Variants in CLASP2 observed in about 807,000 individuals in gnomAD.
The protein encoded by CLASP2 is cytoplasmic linker associated protein 2, also known as CLIP-associating protein 2.
CLASP2 carries 47 observed loss-of-function variants against 194.4 expected under a neutral mutation model. That is an observed-to-expected ratio of 0.24 (90% CI 0.19 to 0.31). The LOEUF is 0.31. CLASP2 is among the 10% of genes least tolerant of loss of function. CLASP2 has a pLI of 1.00. For missense variants in CLASP2, 1,445 were observed against 1,823.6 expected (o/e 0.79, Z 3.78); for synonymous variants, 619 against 633.5 (o/e 0.98, Z 0.34).
intron 7 of CLASP2, among the ~76,000 whole-genome samples, chr3:33,658,154 T>A (rs2084629888): frequency 6.6e-6 from 1 of 152,156 alleles, no homozygotes; most frequent in Admixed American, 6.5e-5. Context: ...AAACACACAT[T>A]TGGGACCCTA....
chr3:33,675,496 A>C (rs2088380891), intron 6 of CLASP2, among the ~76,000 whole-genome samples: 1 of 148,768 alleles, frequency 6.7e-6, no homozygotes, highest in Admixed American at 6.8e-5. Flanking sequence ...AATGGGCAAA[A>C]ACTGGAAGCA....
At chr3:33,713,830 T>C (rs990120791) in intron 1 of CLASP2, among the ~76,000 whole-genome samples, 2 of 152,156 alleles carry the variant, frequency 1.3e-5, no homozygotes, top group African/African-American at 4.8e-5. Flanking sequence ...GGCTGTGTTT[T>C]CTCCATTTTT....
intron 37 of CLASP2, among the ~76,000 whole-genome samples, chr3:33,509,379 C>G (rs902069678): frequency 2.6e-5 from 4 of 152,198 alleles, no homozygotes; most frequent in Non-Finnish European, 4.4e-5. Context: ...ACACACCTGG[C>G]TAATTTTGTA....
In CLASP2 at chr3:33,717,808, C is replaced by T. The variant is rs1230052742; in HGVS notation, c.195G>A (p.Arg65=). ...GCCCAGCCTCGCCGCCGTCGCTTAC[C>T]CGGTAGTTGCTCGAACCCACCCAGC... The part of the protein sequence containing the change: ...LTGWVGSSNY[R]VSLMGLEILS... Residue 65 remains arginine, a splice_region_variant and synonymous_variant, in exon 1 of 39, where the codon CGG becomes CGA. Transcript: ENST00000682230. 4 of 1,555,886 alleles carry T rather than the reference C, an allele frequency of 2.6e-6. No individual in the cohort carries two copies. The highest frequency in any genetic ancestry group is 3.5e-6 in the Non-Finnish European group (4 of 1,150,528).
In CLASP2 at chr3:33,713,577, T is replaced by C. The variant is rs559347675; in HGVS notation, c.195+4231A>G. ...ACACCAATGTTGGGAAGAATCCTCC[T>C]CAGAATGCGAAAGGGGCTATGATTT... On this transcript the variant is annotated intron_variant, in intron 1 of 38. Transcript: ENST00000682230. Among the ~76,000 whole-genome samples the C allele has an allele frequency of 1.1e-3, 170 of 152,308 alleles. 1 individual carries two copies. Among genetic ancestry groups the C allele is most frequent in the South Asian group, 2.9e-3 (14 of 4,828 alleles).
At chr3:33,688,236 TAAA>T in intron 4 of CLASP2, 38 bp downstream of exon 4, 1 of 1,441,362 alleles carries the variant, frequency 6.9e-7, no homozygotes, top group Non-Finnish European at 9.3e-7. Flanking sequence ...TTTAGAGAAA[TAAA>T]AAACAAGACA....
intron 21 of CLASP2, among the ~76,000 whole-genome samples, chr3:33,585,735 A>G (rs145192403): frequency 1.3e-5 from 2 of 152,200 alleles, no homozygotes; most frequent in Non-Finnish European, 2.9e-5. Flanking sequence ...CCTTCCCAGT[A>G]TTATAATTTT....
chr3:33,629,802 A>C (rs1024295662), intron 9 of CLASP2, among the ~76,000 whole-genome samples: 36 of 152,232 alleles, frequency 2.4e-4, no homozygotes, highest in African/African-American at 8.7e-4. Context: ...TATGAAAAAA[A>C]AAAAACGAGA....
intron 7 of CLASP2, among the ~76,000 whole-genome samples, chr3:33,662,903 C>T (rs1163570757): frequency 6.6e-6 from 1 of 151,832 alleles, no homozygotes; most frequent in Non-Finnish European, 1.5e-5. Context: ...AAATCAATAC[C>T]AGATATTAAC....
Position 33,510,540 on chromosome 3 carries a change from C to T in CLASP2, c.4317+18G>A, listed in dbSNP as rs764565323. 1.9e-6 allele frequency: 3 copies of T among 1,611,662 alleles called. No homozygotes were observed. The highest frequency in any genetic ancestry group is 2.5e-6 in the Non-Finnish European group (3 of 1,177,976). ...CAAATGTATCATGGCTTATTCCTCTCCAAGCTTTGTTGCTTACCTGTATTA... is the reference window on the plus strand; with the variant it reads ...CAAATGTATCATGGCTTATTCCTCTTCAAGCTTTGTTGCTTACCTGTATTA... On this transcript the variant is annotated intron_variant, in intron 37 of 38. Transcript: ENST00000682230.
intron 27 of CLASP2, among the ~76,000 whole-genome samples, chr3:33,562,547 A>T (rs968981514): frequency 6.6e-6 from 1 of 152,138 alleles, no homozygotes; most frequent in Admixed American, 6.5e-5. Flanking sequence ...GGTAGCTTGA[A>T]ATCTACCACG....
chr3:33,623,940 C>T (rs981139292), intron 10 of CLASP2, among the ~76,000 whole-genome samples: 1 of 152,066 alleles, frequency 6.6e-6, no homozygotes, highest in East Asian at 1.9e-4. Context: ...AAACAGAAAG[C>T]CTTTCCTCTA....
intron 8 of CLASP2, among the ~76,000 whole-genome samples, chr3:33,639,030 G>C (rs1559489580): frequency 6.6e-6 from 1 of 152,158 alleles, no homozygotes; most frequent in Non-Finnish European, 1.5e-5. Flanking sequence ...ATATCTTTTT[G>C]TAAGTTTAAA....
intron 18 of CLASP2, among the ~76,000 whole-genome samples, chr3:33,600,514 G>A (rs1275988979): frequency 6.6e-6 from 1 of 152,088 alleles, no homozygotes; most frequent in Non-Finnish European, 1.5e-5. Context: ...TACATTTGTT[G>A]ACTGGTCTTC....
rs759798998 is a variant in CLASP2 at position 33,687,090 on chromosome 3, C to T, written c.516G>A (p.Leu172=). The change falls in exon 5 of 39, where the codon TTG becomes TTA. Residue 172 remains leucine, a synonymous_variant. Transcript: ENST00000682230. ...TGTTGGAGTCTCCAAACAGGATACACAAATGTGGTATCAATTTGCTGATGA... is the reference window on the plus strand; with the variant it reads ...TGTTGGAGTCTCCAAACAGGATACATAAATGTGGTATCAATTTGCTGATGA... ...PLVISKLIPH[L]CILFGDSNSQ... 3.7e-6 allele frequency: 6 copies of T among 1,602,264 alleles called. No individual in the cohort carries two copies. Among genetic ancestry groups the T allele is most frequent in the Admixed American group, 3.4e-5 (2 of 58,904 alleles).
At chr3:33,611,654 AG>A (rs2075209435) in intron 13 of CLASP2, among the ~76,000 whole-genome samples, 1 of 152,176 alleles carries the variant, frequency 6.6e-6, no homozygotes, top group Admixed American at 6.5e-5. Context: ...GCAGGGACTA[AG>A]GTTCAGAGCA....
intron 1 of CLASP2, among the ~76,000 whole-genome samples, chr3:33,716,260 T>A (rs372753447): frequency 6.6e-5 from 10 of 152,132 alleles, no homozygotes; most frequent in East Asian, 1.9e-4. Flanking sequence ...AGAAAATACG[T>A]AGTGAAAACA....
rs538146355 is a variant in CLASP2, at chr3:33,700,018, C to T, written c.196-3085G>A. Among the ~76,000 whole-genome samples, 3 of 151,590 alleles carry T rather than the reference C, an allele frequency of 2.0e-5. No homozygotes were observed. The South Asian group carries it at 6.2e-4, about 31-fold the overall frequency. On this transcript the variant is annotated intron_variant, in intron 1 of 38. Transcript: ENST00000682230. ...TCTAATAGAATTCATTACAAGAGAC[C>T]TGTATCACAAGAAATGTTAAGGGAA...
rs764095846 is a variant in CLASP2, at chr3:33,544,860, C to T, written c.3154-19G>A. 5 of 1,573,722 alleles carry T rather than the reference C, an allele frequency of 3.2e-6. No homozygotes were observed. In the African/African-American group the frequency reaches 4.1e-5, roughly 13 times the overall value. On this transcript the variant is annotated intron_variant, in intron 30 of 38. Coordinates refer to ENST00000682230, the MANE Select transcript of CLASP2 (RefSeq NM_001365631.1). ...GTGCTGCCTAAAAAACAAAGGCATA[C>T]AGTAGATGAATATATTTTTGTTACT... is the stretch of plus-strand genomic sequence containing the variant.
Sources: gnomAD v4.1 joint callset for allele counts (sites outside exome capture counted in the v4.1 genomes callset) on GRCh38, gnomAD v4.1.1 for gene constraint, MANE v1.5 for transcripts, NCBI Gene and HGNC (gene_info 2026-07-23, HGNC 2026-07-21) for gene names.